Variants in KDM7A observed in about 807,000 individuals in gnomAD.
The protein encoded by KDM7A is lysine demethylase 7A.
In KDM7A, 28 loss-of-function variants were observed where a neutral mutation model predicts 114.8. The ratio of observed to expected loss-of-function variants is 0.24; its 90% confidence interval spans 0.18 to 0.33. KDM7A has a LOEUF of 0.33. KDM7A is among the 10% of genes least tolerant of loss of function. The pLI, the probability that KDM7A is intolerant of heterozygous loss-of-function variation, is 1.00. For missense variants in KDM7A, 942 were observed against 1,142.5 expected (o/e 0.82, Z 2.53); for synonymous variants, 423 against 397.8 (o/e 1.06, Z -0.75).
intron 1 of KDM7A, among the ~76,000 whole-genome samples, chr7:140,168,595 G>A (rs1448776288): frequency 1.3e-5 from 2 of 151,402 alleles, no homozygotes; most frequent in East Asian, 1.9e-4. Context: ...GGATGTAGGA[G>A]GCATCAAAAT....
chr7:140,154,861 TTTATAA>T (rs910607897), intron 1 of KDM7A, among the ~76,000 whole-genome samples: 15 of 152,316 alleles, frequency 9.8e-5, no homozygotes, highest in East Asian at 3.9e-4. Flanking sequence ...TAAATTTGTT[TTTATAA>T]TTATAAGTGT....
chr7:140,129,412 A>C lies in KDM7A; in HGVS notation c.559+81T>G, dbSNP rs1562953884. On this transcript the variant is annotated intron_variant, in intron 4 of 19. Transcript: ENST00000397560. The stretch of plus-strand genomic sequence containing the variant: ...CAGAAAACTAAATTGACATTTCTTC[A>C]TTTAACCATTAATATTACCAGGACT... 7 of 1,152,670 alleles carry C rather than the reference A, an allele frequency of 6.1e-6. 1 individual carries two copies. The East Asian group carries it at 7.1e-5, about 12-fold the overall frequency. The allele number at this position is 1,152,670 out of a possible 1,614,324, so 71.4% of individuals were successfully genotyped here. A position where few individuals can be genotyped will look rare whatever the true frequency, so the allele number is the denominator to read the frequency against.
At chr7:140,152,623 CA>C (rs35127641) in intron 1 of KDM7A, among the ~76,000 whole-genome samples, 59,162 of 128,764 alleles carry the variant, frequency 0.46, 11,832 homozygotes, top group Middle Eastern at 0.53. Context: ...GACTCCGTTT[CA>C]AAAAAAAAAA....
intron 9 of KDM7A, 128 bp downstream of exon 9, chr7:140,118,985 T>A (rs188112031): frequency 3.6e-6 from 2 of 554,276 alleles, no homozygotes; most frequent in Non-Finnish European, 6.4e-6. Flanking sequence ...AAACCACTTA[T>A]TTAAAAAACA....
chr7:140,133,449 G>T (rs1818821487), intron 3 of KDM7A, 90 bp downstream of exon 3: 6 of 740,886 alleles, frequency 8.1e-6, no homozygotes, highest in Non-Finnish European at 1.1e-5. Flanking sequence ...TGCAGCCTAA[G>T]TTTGAAAACA....
rs34680636 is a variant in KDM7A, at chr7:140,168,567, C to CAA, written c.194+8175_194+8176dup. ...TGGGCAACAGAGCAAGACTCTATCT[C>CAA]AAAAAAAAAAAAAAACTGGATGTAG... On this transcript the variant is annotated intron_variant, in intron 1 of 19. Coordinates refer to ENST00000397560, the MANE Select transcript of KDM7A (RefSeq NM_030647.2). Among the ~76,000 whole-genome samples the CAA allele has an allele frequency of 5.6e-3, 614 of 110,136 alleles. 7 individuals carry two copies. Among genetic ancestry groups the CAA allele is most frequent in the African/African-American group, 0.018 (537 of 29,842 alleles). 72.3% of individuals were successfully genotyped at this position (110,136 alleles called of 152,430 possible).
intron 2 of KDM7A, among the ~76,000 whole-genome samples, chr7:140,135,480 T>C (rs949057474): frequency 3.3e-5 from 5 of 152,276 alleles, no homozygotes; most frequent in Middle Eastern, 3.4e-3. Context: ...GGATTACACG[T>C]GTGAGCCACT....
chr7:140,100,146 TG>T, intron 12 of KDM7A, 123 bp from the exon 13 acceptor site: 1 of 989,134 alleles, frequency 1.0e-6, no homozygotes, highest in East Asian at 2.4e-5. Context: ...GGCAGCCACC[TG>T]GGCTTGGGGA....
intron 17 of KDM7A, chr7:140,095,630 C>T: frequency 3.5e-6 from 1 of 285,498 alleles, no homozygotes; most frequent in Non-Finnish European, 7.1e-6. Context: ...GTAATCTCAG[C>T]ACTTTGGGAA....
chr7:140,097,429 G>C (rs1294300282), intron 15 of KDM7A, 116 bp downstream of exon 15: 1 of 626,972 alleles, frequency 1.6e-6, no homozygotes, highest in Non-Finnish European at 2.9e-6. Flanking sequence ...CTGTGCTAAT[G>C]TAAGTCAGAC....
intron 1 of KDM7A, among the ~76,000 whole-genome samples, chr7:140,170,119 T>C (rs1794622183): frequency 6.6e-6 from 1 of 152,188 alleles, no homozygotes; most frequent in African/African-American, 2.4e-5. Flanking sequence ...TAAACAAATT[T>C]GTAAAATATT....
At chr7:140,132,944 T>C (rs1360853042) in intron 3 of KDM7A, among the ~76,000 whole-genome samples, 5 of 152,214 alleles carry the variant, frequency 3.3e-5, no homozygotes, top group Non-Finnish European at 7.3e-5. Context: ...CATTATCACT[T>C]GAAATAGATG....
Position 140,089,999 on chromosome 7 carries a change from G to A in KDM7A, c.*1095C>T, listed in dbSNP as rs541056466. On this transcript the variant is annotated 3_prime_UTR_variant, in exon 20 of 20. Coordinates refer to ENST00000397560, the MANE Select transcript of KDM7A (RefSeq NM_030647.2). ...CTAAATAACATTTCCCAACAAATCA[G>A]GTATGGAGCATAAAAGTATCATAAG... The A allele has an allele frequency of 6.6e-6, 1 of 152,154 alleles. No individual in the cohort carries two copies. The highest frequency in any genetic ancestry group is 2.4e-5 in the African/African-American group (1 of 41,420). The allele number at this position is 152,154 out of a possible 1,614,324, so 9.4% of individuals were successfully genotyped here.
rs1259639907 is a variant in KDM7A, at chr7:140,151,214, ATCTAAAAC to A, written c.195-12032_195-12025del. 3.9e-5 allele frequency among the ~76,000 whole-genome samples: 6 copies of A among 152,286 alleles called. No homozygotes were observed. The East Asian group carries it at 1.2e-3, about 29-fold the overall frequency. On this transcript the variant is annotated intron_variant, in intron 1 of 19. Transcript: ENST00000397560. ...GAGAAATGGCACTGAGGAACTATTG[ATCTAAAAC>A]TCTAGCATCATGGCTAGTGCGACAC... is the stretch of plus-strand genomic sequence containing the variant.
intron 12 of KDM7A, 127 bp downstream of exon 12, chr7:140,101,824 T>C (rs900721621): frequency 5.6e-5 from 38 of 674,020 alleles, no homozygotes; most frequent in Middle Eastern, 4.1e-4. Flanking sequence ...TAACTACTGG[T>C]TGATCCCTAC....
chr7:140,164,625 A>G (rs1794554636), intron 1 of KDM7A, among the ~76,000 whole-genome samples: 1 of 152,242 alleles, frequency 6.6e-6, no homozygotes, highest in Non-Finnish European at 1.5e-5. Flanking sequence ...TTTTGAGACA[A>G]CTAGAAATTT....
At chr7:140,160,789 C>A (rs976018496) in intron 1 of KDM7A, among the ~76,000 whole-genome samples, 1 of 152,160 alleles carries the variant, frequency 6.6e-6, no homozygotes, top group Non-Finnish European at 1.5e-5. Context: ...TGGATGCCCA[C>A]AAAGGCAAAG....
chr7:140,139,594 T>C (rs181451257), intron 1 of KDM7A, among the ~76,000 whole-genome samples: 84 of 152,134 alleles, frequency 5.5e-4, no homozygotes, highest in African/African-American at 1.9e-3. Context: ...CAGAAACATA[T>C]AGCTTTAAAT....
intron 1 of KDM7A, among the ~76,000 whole-genome samples, chr7:140,153,472 C>A (rs561109581): frequency 6.8e-6 from 1 of 147,768 alleles, no homozygotes; most frequent in East Asian, 2.0e-4. Flanking sequence ...GGCGACAGAG[C>A]GAGACTCCGT....
Sources: gnomAD v4.1 joint callset for allele counts (sites outside exome capture counted in the v4.1 genomes callset) on GRCh38, gnomAD v4.1.1 for gene constraint, MANE v1.5 for transcripts, NCBI Gene and HGNC (gene_info 2026-07-23, HGNC 2026-07-21) for gene names.